The following LPCAT2 variants were observed in gnomAD, a reference collection of about 807,000 sequenced individuals.
The protein encoded by LPCAT2 is 1-AGP acyltransferase 11.
LPCAT2 carries 58 observed loss-of-function variants against 64.7 expected under a neutral mutation model. The ratio of observed to expected loss-of-function variants is 0.90; its 90% CI spans 0.73 to 1.12. LPCAT2 has a LOEUF of 1.12. LPCAT2 is among the 50% of genes most tolerant of loss of function. The pLI is 0.00. For missense variants in LPCAT2, 579 were observed against 669.8 expected (o/e 0.86, Z 1.50); for synonymous variants, 252 against 245.3 (o/e 1.03, Z -0.26).
At chr16:55,530,776 T>G (rs1364577539) in intron 4 of LPCAT2, among the ~76,000 whole-genome samples, 2 of 152,150 alleles carry the variant, frequency 1.3e-5, no homozygotes, top group Non-Finnish European at 2.9e-5. Flanking sequence ...AGACTATATC[T>G]AGGACTGGTA....
chr16:55,561,370 C>CTTTTT (rs3996858), intron 11 of LPCAT2, among the ~76,000 whole-genome samples: 1 of 139,848 alleles, frequency 7.2e-6, no homozygotes. Flanking sequence ...CCCTCCTATA[C>CTTTTT]TTTTTTTTTT....
intron 11 of LPCAT2, among the ~76,000 whole-genome samples, chr16:55,558,347 T>C (rs1461291518): frequency 1.3e-5 from 2 of 152,250 alleles, no homozygotes; most frequent in East Asian, 1.9e-4. Flanking sequence ...AACAGCATCA[T>C]TGTTCATTTC....
At position 55,509,154 on chromosome 16, in the gene LPCAT2, T is replaced by C; in HGVS notation, c.-28T>C. 1 of 1,310,886 alleles carries C rather than the reference T, an allele frequency of 7.6e-7. No homozygotes were observed. The allele number at this position is 1,310,886 out of a possible 1,614,324, so 81.2% of individuals were successfully genotyped here. The stretch of plus-strand genomic sequence containing the variant: ...GGCTGCAGCGCCCGCGTAGATCGCT[T>C]CGGCCGGGTTCTACGCCCGGCTCAA... On this transcript the variant is annotated 5_prime_UTR_variant, in exon 1 of 14. Coordinates refer to ENST00000262134, the MANE Select transcript of LPCAT2 (RefSeq NM_017839.5).
At chr16:55,530,653 G>A (rs890451969) in intron 4 of LPCAT2, among the ~76,000 whole-genome samples, 6 of 152,092 alleles carry the variant, frequency 3.9e-5, no homozygotes, top group African/African-American at 1.4e-4. Flanking sequence ...CCAAGAGAAA[G>A]TATGTGACCA....
At chr16:55,554,856 G>C (rs1334748199) in intron 11 of LPCAT2, among the ~76,000 whole-genome samples, 1 of 152,132 alleles carries the variant, frequency 6.6e-6, no homozygotes, top group African/African-American at 2.4e-5. Context: ...CAGTATTGCT[G>C]TGTCCAGGGA....
At chr16:55,539,752 T>G (rs1963373709) in intron 8 of LPCAT2, 2 of 152,150 alleles carry the variant, frequency 1.3e-5, no homozygotes, top group Admixed American at 1.3e-4. Flanking sequence ...GTACATTTAG[T>G]TGCTCCAGTT....
rs548102946 is a variant in LPCAT2, at chr16:55,557,211, C to T, written c.1215+6109C>T. ...TAATGATTAATGCATTTTCACCTTT[C>T]TTTCCTTCCTTTTTCCTTTTTTCCT... is the stretch of plus-strand genomic sequence containing the variant. On this transcript the variant is annotated intron_variant, in intron 11 of 13. Coordinates refer to ENST00000262134, the MANE Select transcript of LPCAT2 (RefSeq NM_017839.5). Among the ~76,000 whole-genome samples the T allele has an allele frequency of 2.2e-3, 333 of 152,072 alleles. 1 individual carries two copies. Among genetic ancestry groups the T allele is most frequent in the African/African-American group, 7.8e-3 (325 of 41,474 alleles).
intron 11 of LPCAT2, among the ~76,000 whole-genome samples, chr16:55,558,287 A>G (rs1415428653): frequency 2.0e-5 from 3 of 152,266 alleles, no homozygotes; most frequent in Non-Finnish European, 4.4e-5. Context: ...AATCAGAAGT[A>G]ATTATAGCAC....
Position 55,574,686 on chromosome 16 carries a change from G to A in LPCAT2, c.1271G>A (p.Cys424Tyr), listed in dbSNP as rs774268827. 3 of 1,613,570 alleles carry A rather than the reference G, an allele frequency of 1.9e-6. No individual in the cohort carries two copies. Among genetic ancestry groups the A allele is most frequent in the Non-Finnish European group, 2.5e-6 (3 of 1,179,686 alleles). The change falls in exon 12 of 14, where the codon TGC (cysteine) becomes TAC (tyrosine). Residue 424 changes from cysteine to tyrosine, a missense_variant. Cys to Tyr is a radical substitution (Grantham distance 194, BLOSUM62 -2). Coordinates refer to ENST00000262134, the MANE Select transcript of LPCAT2 (RefSeq NM_017839.5). ...TATGTGATTGGCCTGGCTGTCTTGT[G>A]CAACCCTTCCAACACAGAGGAGATC... Reference protein sequence around the residue: ...REYVIGLAVLCNPSNTEEIIQ... With the variant: ...REYVIGLAVLYNPSNTEEIIQ...
At chr16:55,540,544 A>C (rs1476571788) in intron 8 of LPCAT2, 1 of 152,320 alleles carries the variant, frequency 6.6e-6, no homozygotes, top group Non-Finnish European at 1.5e-5. Flanking sequence ...ACTATAAAGC[A>C]CTAAGTGGGC....
chr16:55,575,300 T>C (rs1291079217), intron 12 of LPCAT2, among the ~76,000 whole-genome samples: 1 of 152,190 alleles, frequency 6.6e-6, no homozygotes, highest in Non-Finnish European at 1.5e-5. Flanking sequence ...TTCATGTCCC[T>C]GGTTCCCACA....
At chr16:55,518,320 C>T (rs1963042862) in intron 1 of LPCAT2, among the ~76,000 whole-genome samples, 1 of 152,092 alleles carries the variant, frequency 6.6e-6, no homozygotes, top group Non-Finnish European at 1.5e-5. Context: ...ATTTGGAAAA[C>T]TTAAATAGTT....
At chr16:55,515,447 A>G (rs777059504) in intron 1 of LPCAT2, among the ~76,000 whole-genome samples, 3 of 152,204 alleles carry the variant, frequency 2.0e-5, no homozygotes, top group Non-Finnish European at 4.4e-5. Context: ...TCATTAGCAC[A>G]CATGCCCTAA....
chr16:55,560,525 G>T (rs757306295), intron 11 of LPCAT2, among the ~76,000 whole-genome samples: 1 of 152,078 alleles, frequency 6.6e-6, no homozygotes, highest in Non-Finnish European at 1.5e-5. Flanking sequence ...CCCAGATAAA[G>T]AAAGATTAAA....
Position 55,549,416 on chromosome 16 carries a change from A to T in LPCAT2, c.1061+14A>T, listed in dbSNP as rs1354168915. On this transcript the variant is annotated intron_variant, in intron 10 of 13. Coordinates refer to ENST00000262134, the MANE Select transcript of LPCAT2 (RefSeq NM_017839.5). ...CCGAAAATTGAAGTAAGTGTATTTT[A>T]AAATGACTACACTTTCATAAAGTTG... 6.3e-7 allele frequency: 1 copy of T among 1,579,294 alleles called. No individual in the cohort carries two copies. Among genetic ancestry groups the T allele is most frequent in the Non-Finnish European group, 8.6e-7 (1 of 1,169,382 alleles).
At chr16:55,526,256 T>C (rs191386449) in intron 2 of LPCAT2, among the ~76,000 whole-genome samples, 14 of 152,270 alleles carry the variant, frequency 9.2e-5, no homozygotes, top group African/African-American at 3.1e-4. Flanking sequence ...AAACTGATCA[T>C]GAGTTGACAA....
At chr16:55,567,956 G>A (rs1432805446) in intron 11 of LPCAT2, among the ~76,000 whole-genome samples, 1 of 152,006 alleles carries the variant, frequency 6.6e-6, no homozygotes, top group Middle Eastern at 3.2e-3. Flanking sequence ...TTCAAAATCT[G>A]TTTTTCTTGT....
intron 1 of LPCAT2, among the ~76,000 whole-genome samples, chr16:55,512,206 T>C (rs762613165): frequency 1.3e-5 from 2 of 152,232 alleles, no homozygotes; most frequent in Non-Finnish European, 2.9e-5. Context: ...ATAAGTTTCA[T>C]TATATTTGTA....
intron 11 of LPCAT2, among the ~76,000 whole-genome samples, chr16:55,569,680 T>C (rs142794451): frequency 1.1e-3 from 161 of 152,290 alleles, no homozygotes; most frequent in African/African-American, 1.9e-3. Context: ...AGCATGCTCA[T>C]GGAAAAACAC....
Sources: gnomAD v4.1 joint callset for allele counts (sites outside exome capture counted in the v4.1 genomes callset) on GRCh38, gnomAD v4.1.1 for gene constraint, MANE v1.5 for transcripts, NCBI Gene and HGNC (gene_info 2026-07-23, HGNC 2026-07-21) for gene names.